Variants in BARD1 observed in about 807,000 individuals in gnomAD.
BARD1 encodes the protein BRCA1-associated RING domain protein 1.
A neutral mutation model predicts 77.0 loss-of-function variants in BARD1; 73 were observed. The ratio of observed to expected loss-of-function variants is 0.95; its 90% CI spans 0.79 to 1.15. The LOEUF (loss-of-function observed/expected upper bound fraction) is 1.15. Among genes scored for constraint, BARD1 ranks in the 50% most tolerant of loss-of-function variants. The probability of loss-of-function intolerance (pLI) is 0.00; values close to 1 mark genes in which losing one functional copy is unlikely to be tolerated. For synonymous variants in BARD1, 384 were observed against 338.0 expected (o/e 1.14, Z -1.49); for missense variants, 993 against 938.8 (o/e 1.06, Z -0.75).
chr2:214,792,957 G>C (rs1051713552), intron 2 of BARD1, among the ~76,000 whole-genome samples: 10 of 152,136 alleles, frequency 6.6e-5, no homozygotes, highest in African/African-American at 2.4e-4. Flanking sequence ...AAGGACTAAA[G>C]TTTCAGAGTT....
chr2:214,740,397 CGT>C (rs1481904683), intron 9 of BARD1, among the ~76,000 whole-genome samples: 1 of 134,728 alleles, frequency 7.4e-6, no homozygotes, highest in Non-Finnish European at 1.6e-5. Flanking sequence ...AAAATTTCAA[CGT>C]ATTAATTTAT....
At chr2:214,755,747 T>C (rs1157364865) in intron 6 of BARD1, among the ~76,000 whole-genome samples, 1 of 152,008 alleles carries the variant, frequency 6.6e-6, no homozygotes, top group Non-Finnish European at 1.5e-5. Context: ...AAACACAGTA[T>C]GAAAAACCAA....
At chr2:214,784,317 C>G (rs1695172128) in intron 3 of BARD1, among the ~76,000 whole-genome samples, 1 of 152,070 alleles carries the variant, frequency 6.6e-6, no homozygotes, top group African/African-American at 2.4e-5. Flanking sequence ...AAATCAAAAC[C>G]ACAATGAGAT....
chr2:214,774,293 G>C (rs1175620990), intron 4 of BARD1, among the ~76,000 whole-genome samples: 1 of 152,110 alleles, frequency 6.6e-6, no homozygotes, highest in Non-Finnish European at 1.5e-5. Context: ...ATGGCATCTA[G>C]AATGGTGAGT....
At position 214,781,039 on chromosome 2, in the gene BARD1, A is replaced by G. The variant is rs587781456; in HGVS notation, c.835T>C (p.Ser279Pro). The change falls in exon 4 of 11, where the codon TCT becomes CCT. Residue 279 changes from serine (S) to proline (P), a missense_variant. Coordinates refer to ENST00000260947, the MANE Select transcript of BARD1 (RefSeq NM_000465.4). ...TCTATTTGCTCAGCCAATGGTAAAG[A>G]GACTTCAGTTAAACTTCCAAAACAT... ...SECFGSLTEVSLPLAEQIESP... is the reference protein window; with the variant it reads ...SECFGSLTEVPLPLAEQIESP... 2.4e-5 allele frequency: 39 copies of G among 1,609,540 alleles called. No individual in the cohort carries two copies. The highest frequency in any genetic ancestry group is 3.2e-5 in the Non-Finnish European group (38 of 1,178,392).
At chr2:214,781,569 T>G (rs1214276728) in intron 3 of BARD1, 60 bp from the exon 4 acceptor site, 1 of 1,406,780 alleles carries the variant, frequency 7.1e-7, no homozygotes, top group African/African-American at 1.4e-5. Flanking sequence ...CACATGGAGC[T>G]CCCGAAGAAT....
rs730881406 is a variant in BARD1, at chr2:214,809,513, C to A, written c.57G>T (p.Glu19Asp). ...GTTCCATGGCGGGCGCGGAACGAGG[C>A]TCGTTCCCGGAGCGGATCCTCGGCT... is the stretch of plus-strand genomic sequence containing the variant. ...NRQPRIRSGNEPRSAPAMEPD... is the reference protein window; with the variant it reads ...NRQPRIRSGNDPRSAPAMEPD... Residue 19 changes from glutamate (E) to aspartate (D), a missense_variant, in exon 1 of 11, where the codon GAG becomes GAT. Coordinates refer to ENST00000260947, the MANE Select transcript of BARD1 (RefSeq NM_000465.4). 5.0e-6 allele frequency: 8 copies of A among 1,598,796 alleles called. No homozygotes were observed. Among genetic ancestry groups the A allele is most frequent in the Non-Finnish European group, 6.8e-6 (8 of 1,174,552 alleles).
chr2:214,808,023 G>T (rs1336374781), intron 1 of BARD1, among the ~76,000 whole-genome samples: 1 of 152,220 alleles, frequency 6.6e-6, no homozygotes, highest in Non-Finnish European at 1.5e-5. Context: ...ACTTTTCTAA[G>T]AAGTGCAATG....
intron 1 of BARD1, among the ~76,000 whole-genome samples, chr2:214,807,541 T>C (rs1024148792): frequency 6.6e-6 from 1 of 152,204 alleles, no homozygotes; most frequent in Non-Finnish European, 1.5e-5. Context: ...ATACTTTACA[T>C]ACATGTAAAA....
intron 9 of BARD1, among the ~76,000 whole-genome samples, chr2:214,741,313 C>T (rs568134637): frequency 7.2e-4 from 109 of 152,084 alleles, no homozygotes; most frequent in African/African-American, 2.4e-3. Flanking sequence ...CTGTTCTCCC[C>T]TTCATAATGA....
chr2:214,806,307 G>A (rs966120523), intron 1 of BARD1, among the ~76,000 whole-genome samples: 5 of 152,166 alleles, frequency 3.3e-5, no homozygotes, highest in Non-Finnish European at 7.3e-5. Flanking sequence ...CTAGCCCACT[G>A]GGTAGAACTC....
intron 6 of BARD1, among the ~76,000 whole-genome samples, chr2:214,764,600 T>C (rs1208135476): frequency 6.6e-6 from 1 of 152,134 alleles, no homozygotes; most frequent in East Asian, 1.9e-4. Context: ...GAGAGGAAAG[T>C]AGCACCAGAC....
At chr2:214,736,020 C>T (rs1231626599) in intron 9 of BARD1, among the ~76,000 whole-genome samples, 3 of 151,712 alleles carry the variant, frequency 2.0e-5, no homozygotes, top group Non-Finnish European at 4.4e-5. Context: ...TCATATTCAC[C>T]CAAGGTTGCT....
At chr2:214,793,053 A>T (rs952364982) in intron 2 of BARD1, among the ~76,000 whole-genome samples, 2 of 152,156 alleles carry the variant, frequency 1.3e-5, no homozygotes, top group African/African-American at 4.8e-5. Context: ...AGAGGGATTC[A>T]CGATCCCCCC....
At chr2:214,769,406 A>G in intron 4 of BARD1, 94 bp from the exon 5 acceptor site, 1 of 998,420 alleles carries the variant, frequency 1.0e-6, no homozygotes, top group Non-Finnish European at 1.6e-6. Flanking sequence ...AATATAAAGT[A>G]AAACTTAAAT....
chr2:214,797,969 C>T (rs1331290664), intron 1 of BARD1, among the ~76,000 whole-genome samples: 1 of 152,084 alleles, frequency 6.6e-6, no homozygotes, highest in African/African-American at 2.4e-5. Flanking sequence ...AGACATTATA[C>T]TCAATGGATG....
Position 214,801,882 on chromosome 2 carries a change from C to G in BARD1, c.159-4765G>C, listed in dbSNP as rs1305335231. 4.3e-4 allele frequency among the ~76,000 whole-genome samples: 55 copies of G among 129,408 alleles called. No individual in the cohort carries two copies. The Admixed American group carries it at 4.7e-3, about 11-fold the overall frequency. The allele number at this position is 129,408 out of a possible 152,430, so 84.9% of individuals were successfully genotyped here. A position where few individuals can be genotyped will look rare whatever the true frequency, so the allele number is the denominator to read the frequency against. On this transcript the variant is annotated intron_variant, in intron 1 of 10. Coordinates refer to ENST00000260947, the MANE Select transcript of BARD1 (RefSeq NM_000465.4). ...GGGGTTGTTTTTGTTTTTTTTAAAACAAGATCTTGCTCTGTCGCCCAGGCT... is the reference window on the plus strand; with the variant it reads ...GGGGTTGTTTTTGTTTTTTTTAAAAGAAGATCTTGCTCTGTCGCCCAGGCT...
intron 1 of BARD1, among the ~76,000 whole-genome samples, chr2:214,804,801 A>G (rs1696190738): frequency 6.6e-6 from 1 of 152,152 alleles, no homozygotes; most frequent in African/African-American, 2.4e-5. Context: ...ACAATTCTTT[A>G]TAGCTAGTTA....
intron 6 of BARD1, among the ~76,000 whole-genome samples, chr2:214,760,229 G>C (rs892060741): frequency 6.6e-6 from 1 of 152,208 alleles, no homozygotes; most frequent in African/African-American, 2.4e-5. Flanking sequence ...GTCTCGCTCT[G>C]TCCCCCAGGT....
Sources: allele counts gnomAD v4.1 joint callset (sites outside exome capture counted in the v4.1 genomes callset), GRCh38; gene constraint gnomAD v4.1.1; transcripts MANE v1.5; gene names NCBI Gene and HGNC (gene_info 2026-07-23, HGNC 2026-07-21).